Variants in NAALAD2 observed in about 807,000 individuals in gnomAD.
The protein encoded by NAALAD2 is N-acetylated alpha-linked acidic dipeptidase 2.
In NAALAD2, 89 loss-of-function variants were observed where a neutral mutation model predicts 95.6. The observed-to-expected ratio is 0.93, with a 90% CI of 0.78 to 1.11. The LOEUF (loss-of-function observed/expected upper bound fraction) is 1.11. Ranked by LOEUF, NAALAD2 falls within the 50% of genes least tolerant of loss-of-function variation. NAALAD2 has a pLI of 0.00. For synonymous variants in NAALAD2, 264 were observed against 294.4 expected (o/e 0.90, Z 1.06); for missense variants, 894 against 872.4 (o/e 1.02, Z -0.31).
intron 2 of NAALAD2, among the ~76,000 whole-genome samples, chr11:90,137,749 A>G (rs1951487961): frequency 6.6e-6 from 1 of 152,100 alleles, no homozygotes; most frequent in African/African-American, 2.4e-5. Flanking sequence ...GACTACAGAC[A>G]TGCATCACCA....
rs777938684 is a variant in NAALAD2 at position 90,170,110 on chromosome 11, C to T, written c.1384C>T (p.Gln462Ter). 1.9e-6 allele frequency: 3 copies of T among 1,592,700 alleles called. No individual in the cohort carries two copies. The Admixed American group carries it at 5.0e-5, about 27-fold the overall frequency. The change falls in exon 13 of 19, where the codon CAA becomes TAA. Residue 462 changes from glutamine (Q) to a stop codon, truncating the protein, a stop_gained. Transcript: ENST00000534061. LOFTEE classifies it high-confidence loss of function. ...AGTTGACTGTACTCCCCTTCTTTAC[C>T]AATTAGTGTATAAACTGACAAAAGA... ...LRVDCTPLLY[Q>*]LVYKLTKEIP...
chr11:90,190,647 C>T (rs1306282112), intron 18 of NAALAD2, among the ~76,000 whole-genome samples: 1 of 152,058 alleles, frequency 6.6e-6, no homozygotes, highest in Non-Finnish European at 1.5e-5. Flanking sequence ...TTATAAACAA[C>T]TTAGCACATA....
At chr11:90,171,982 CAAAAAAAGAAAGAAAA>C (rs1192502967) in intron 13 of NAALAD2, among the ~76,000 whole-genome samples, 17 of 144,560 alleles carry the variant, frequency 1.2e-4, no homozygotes, top group African/African-American at 4.4e-4. Context: ...GAAATCCTGA[CAAAAAAAGAAAGAAAA>C]GAAAAAAGAA....
At position 90,191,977 on chromosome 11, in the gene NAALAD2, A is replaced by T. The variant is rs1657754002; in HGVS notation, c.*230A>T. The T allele has an allele frequency of 3.6e-6, 1 of 279,150 alleles. No individual in the cohort carries two copies. The highest frequency in any genetic ancestry group is 5.2e-5 in the Admixed American group (1 of 19,324). The allele number at this position is 279,150 out of a possible 1,614,324, so 17.3% of individuals were successfully genotyped here. On this transcript the variant is annotated 3_prime_UTR_variant, in exon 19 of 19. Transcript: ENST00000534061. ...AGTAAAAAACTCCTGTGTGGCAGAAAGTAAAAGAAAATTCCCTAAATTATA... is the reference window on the plus strand; with the variant it reads ...AGTAAAAAACTCCTGTGTGGCAGAATGTAAAAGAAAATTCCCTAAATTATA...
chr11:90,150,401 AGT>A, intron 4 of NAALAD2, 79 bp from the exon 5 acceptor site: 1 of 828,048 alleles, frequency 1.2e-6, no homozygotes, highest in East Asian at 2.8e-5. Context: ...TTGATGATGT[AGT>A]ATTGTGAAGC....
chr11:90,150,414 A>G, intron 4 of NAALAD2, 68 bp from the exon 5 acceptor site: 1 of 1,130,780 alleles, frequency 8.8e-7, no homozygotes, highest in South Asian at 1.8e-5. Flanking sequence ...ATTGTGAAGC[A>G]AACTTATTTT....
intron 18 of NAALAD2, among the ~76,000 whole-genome samples, chr11:90,187,229 G>A (rs1198765374): frequency 6.6e-6 from 1 of 151,906 alleles, no homozygotes; most frequent in Admixed American, 6.6e-5. Context: ...TGGTGGGACT[G>A]TAAACTAGTT....
intron 2 of NAALAD2, among the ~76,000 whole-genome samples, chr11:90,138,926 A>AT (rs1466207647): frequency 6.6e-6 from 1 of 151,068 alleles, no homozygotes; most frequent in Non-Finnish European, 1.5e-5. Context: ...CAATAATGTA[A>AT]TTTTTTTCAG....
intron 6 of NAALAD2, 58 bp from the exon 7 acceptor site, chr11:90,158,087 G>C: frequency 7.9e-7 from 1 of 1,268,826 alleles, no homozygotes; most frequent in African/African-American, 1.5e-5. Context: ...AAAAATCCCT[G>C]TATATCTCTT....
chr11:90,142,956 A>T (rs1171958451), intron 2 of NAALAD2, among the ~76,000 whole-genome samples: 3 of 152,012 alleles, frequency 2.0e-5, no homozygotes, highest in Non-Finnish European at 4.4e-5. Flanking sequence ...TGTGTCACTT[A>T]ATACAAAATG....
intron 18 of NAALAD2, among the ~76,000 whole-genome samples, chr11:90,190,992 T>G (rs188514578): frequency 6.6e-6 from 1 of 152,134 alleles, no homozygotes; most frequent in Admixed American, 6.5e-5. Context: ...TATAAAACTT[T>G]CTTTTTAGAT....
Position 90,159,265 on chromosome 11 carries a change from A to C in NAALAD2, c.917A>C (p.Asp306Ala). The change falls in exon 8 of 19, where the codon GAT (aspartate) becomes GCT (alanine). Residue 306 changes from aspartate to alanine, a missense_variant. Coordinates refer to ENST00000534061, the MANE Select transcript of NAALAD2 (RefSeq NM_005467.4). ...TACTTGGGAGGAATTGCTCCACCAGATAAGAGTTGGAAGGGAGCCCTTAAT... is the reference window on the plus strand; with the variant it reads ...TACTTGGGAGGAATTGCTCCACCAGCTAAGAGTTGGAAGGGAGCCCTTAAT... The part of the protein sequence containing the change: ...LRYLGGIAPP[D>A]KSWKGALNVS... 2.5e-6 allele frequency: 4 copies of C among 1,613,628 alleles called. No homozygotes were observed. The East Asian group carries it at 8.9e-5, about 36-fold the overall frequency.
intron 11 of NAALAD2, among the ~76,000 whole-genome samples, chr11:90,165,045 C>T (rs1282907844): frequency 6.6e-6 from 1 of 152,088 alleles, no homozygotes. Context: ...CATTTAACTC[C>T]CACTTATAAG....
intron 13 of NAALAD2, among the ~76,000 whole-genome samples, chr11:90,173,242 T>C (rs1039230023): frequency 2.0e-5 from 3 of 152,144 alleles, no homozygotes; most frequent in African/African-American, 7.2e-5. Context: ...TGAGGTTATG[T>C]AGAGTTTTTT....
At chr11:90,133,000 A>G (rs1951376069), upstream of NAALAD2, among the ~76,000 whole-genome samples, 1 of 152,216 alleles carries the variant, frequency 6.6e-6, no homozygotes, top group South Asian at 2.1e-4. Flanking sequence ...GTATGCTACA[A>G]AAGTTTCAAG....
At chr11:90,147,186 G>C in intron 2 of NAALAD2, 144 bp from the exon 3 acceptor site, 1 of 615,080 alleles carries the variant, frequency 1.6e-6, no homozygotes, top group Non-Finnish European at 2.7e-6. Flanking sequence ...CTAGAAACTG[G>C]TAGCATTAGC....
intron 2 of NAALAD2, among the ~76,000 whole-genome samples, chr11:90,144,193 A>G (rs928888244): frequency 6.6e-6 from 1 of 152,214 alleles, no homozygotes; most frequent in Admixed American, 6.5e-5. Flanking sequence ...GGAGCCCCCA[A>G]CTTTAATGAA....
chr11:90,162,418 TA>T (rs1952322317), intron 8 of NAALAD2: 1 of 152,136 alleles, frequency 6.6e-6, no homozygotes, highest in Non-Finnish European at 1.5e-5. Flanking sequence ...TTATGTTTTT[TA>T]TAGGTGGCAC....
chr11:90,162,900 A>AT, intron 8 of NAALAD2, 49 bp from the exon 9 acceptor site: 23 of 1,082,322 alleles, frequency 2.1e-5, no homozygotes, highest in Non-Finnish European at 2.9e-5. Flanking sequence ...AAACACTGTA[A>AT]AAAACATAAT....
Sources: gnomAD v4.1 joint callset for allele counts (sites outside exome capture counted in the v4.1 genomes callset) on GRCh38, gnomAD v4.1.1 for gene constraint, MANE v1.5 for transcripts, NCBI Gene and HGNC (gene_info 2026-07-23, HGNC 2026-07-21) for gene names.